HELZ: variants seen among roughly 807,000 people sequenced by gnomAD.
HELZ encodes ATP-dependent RNA helicase with zinc finger domain.
A neutral mutation model predicts 218.2 loss-of-function variants in HELZ; 23 were observed. The ratio of observed to expected loss-of-function variants is 0.11; its 90% CI spans 0.08 to 0.15. HELZ has a LOEUF of 0.15. Ranked by LOEUF, HELZ falls within the 10% of genes least tolerant of loss-of-function variation. The pLI is 1.00. For synonymous variants in HELZ, 814 were observed against 829.4 expected, an observed-to-expected ratio of 0.98 and a Z score of 0.32; for missense variants, 1,813 against 2,353.7, an observed-to-expected ratio of 0.77 and a Z score of 4.75.
rs2037666911 is a variant in HELZ, at chr17:67,123,076, C to G, written c.3524G>C (p.Gly1175Ala). ...TCTTTGAACAGGGCTTGGAGATTTT[C>G]CCAAATTTGGGTGAGGTCCAAGAGG... ...PPPLGPHPNL[G>A]KSPSPVQRID... is the part of the protein sequence containing the mutation. Residue 1175 changes from glycine (G) to alanine (A), a missense_variant, in exon 26 of 33, where the codon GGA (glycine) becomes GCA (alanine). Transcript: ENST00000358691. The G allele has an allele frequency of 6.2e-7, 1 of 1,613,410 alleles. No individual in the cohort carries two copies. Among genetic ancestry groups the G allele is most frequent in the Non-Finnish European group, 8.5e-7 (1 of 1,179,438 alleles).
chr17:67,148,552 G>T lies in HELZ; in HGVS notation c.2621+17C>A. On this transcript the variant is annotated intron_variant, in intron 20 of 32. Coordinates refer to ENST00000358691, the MANE Select transcript of HELZ (RefSeq NM_014877.4). ...GACCAACGAAAGTATGACACGGAGG[G>T]GGCAGTTCACACCTACTTGATGATA... 6.2e-7 allele frequency: 1 copy of T among 1,605,028 alleles called. No individual in the cohort carries two copies. The highest frequency in any genetic ancestry group is 1.1e-5 in the South Asian group (1 of 89,344).
intron 32 of HELZ, among the ~76,000 whole-genome samples, chr17:67,083,372 T>C (rs919674621): frequency 6.6e-6 from 1 of 152,030 alleles, no homozygotes; most frequent in African/African-American, 2.4e-5. Context: ...CCGGGCACAG[T>C]GGCTCACGCC....
rs1243079736 is a variant in HELZ, at chr17:67,108,985, C to T, written c.4489+131G>A. 1.3e-5 allele frequency: 10 copies of T among 765,104 alleles called. No homozygotes were observed. The African/African-American group carries it at 1.6e-4, about 12-fold the overall frequency. 47.4% of individuals were successfully genotyped at this position (765,104 alleles called of 1,614,324 possible). The stretch of plus-strand genomic sequence containing the variant: ...GCATTTAGAACTAGTTTCTGATTAT[C>T]ACACTAAATGGGGGGGTTTTGCTAG... On this transcript the variant is annotated intron_variant, in intron 29 of 32. Transcript: ENST00000358691. This position sits in a 1 kb window ranked among gnomAD's most constrained non-coding sequence, Gnocchi z 4.1.
At chr17:67,242,084 C>T (rs891995788) in intron 2 of HELZ, among the ~76,000 whole-genome samples, 11 of 152,150 alleles carry the variant, frequency 7.2e-5, no homozygotes, top group African/African-American at 2.4e-4. Context: ...AAAAGCAGAC[C>T]ACTGGCTCCT....
At chr17:67,086,507 G>A (rs531132131) in intron 32 of HELZ, among the ~76,000 whole-genome samples, 246 of 144,976 alleles carry the variant, frequency 1.7e-3, no homozygotes, top group African/African-American at 6.0e-3. Flanking sequence ...CTTGAACCCA[G>A]GAGGTGGAGG....
At chr17:67,095,730 C>A (rs1357408030) in intron 31 of HELZ, among the ~76,000 whole-genome samples, 1 of 152,204 alleles carries the variant, frequency 6.6e-6, no homozygotes. Context: ...GAATCAACTT[C>A]TTCCAAACTC....
intron 16 of HELZ, 112 bp from the exon 17 acceptor site, chr17:67,160,474 C>A: frequency 1.5e-6 from 1 of 682,620 alleles, no homozygotes; most frequent in Admixed American, 2.6e-5. Flanking sequence ...AATTCCCTTA[C>A]CCTACTCAGT....
At chr17:67,110,767 G>A (rs1400376971) in intron 28 of HELZ, among the ~76,000 whole-genome samples, 3 of 152,174 alleles carry the variant, frequency 2.0e-5, no homozygotes, top group African/African-American at 4.8e-5. Flanking sequence ...TATAATGATA[G>A]AGCAGAACAG....
intron 21 of HELZ, among the ~76,000 whole-genome samples, chr17:67,142,870 C>A (rs751981478): frequency 2.0e-5 from 3 of 152,154 alleles, no homozygotes; most frequent in Non-Finnish European, 4.4e-5. Flanking sequence ...CATCCTCCCA[C>A]CTCAGCCTCC....
At chr17:67,128,277 A>C (rs2037866166) in intron 24 of HELZ, among the ~76,000 whole-genome samples, 2 of 152,236 alleles carry the variant, frequency 1.3e-5, no homozygotes, top group South Asian at 4.1e-4. Context: ...TTATTATAAC[A>C]TTATTCCTTA....
At chr17:67,210,244 T>C in intron 5 of HELZ, among the ~76,000 whole-genome samples, 1 of 152,190 alleles carries the variant, frequency 6.6e-6, no homozygotes, top group East Asian at 1.9e-4. Context: ...AAACAAATTC[T>C]TCTCAGAAGA....
At chr17:67,098,085 C>T (rs1357517959) in intron 31 of HELZ, among the ~76,000 whole-genome samples, 1 of 152,178 alleles carries the variant, frequency 6.6e-6, no homozygotes. Context: ...GCAAATTTTA[C>T]ACAACTGAAG....
chr17:67,180,156 T>C (rs1183326730), intron 12 of HELZ, among the ~76,000 whole-genome samples: 1 of 152,070 alleles, frequency 6.6e-6, no homozygotes, highest in Non-Finnish European at 1.5e-5. Context: ...AATGTAAAGA[T>C]GGTCTGCTTA....
intron 3 of HELZ, among the ~76,000 whole-genome samples, chr17:67,235,295 A>C (rs893226320): frequency 2.0e-5 from 3 of 152,152 alleles, no homozygotes; most frequent in Non-Finnish European, 1.5e-5. Context: ...TCACGAGGTC[A>C]GAAGTTCAAG....
chr17:67,178,812 T>G lies in HELZ; in HGVS notation c.1277A>C (p.Lys426Thr), dbSNP rs2039527447. 2 of 1,613,784 alleles carry G rather than the reference T, an allele frequency of 1.2e-6. No individual in the cohort carries two copies. The highest frequency in any genetic ancestry group is 8.5e-7 in the Non-Finnish European group (1 of 1,179,842). ...AATTTGGTATCTGATAAGAAGGCTC[T>G]TCTCCAAATCAGTAGTTTCATTAGG... Reference protein sequence around the residue: ...FEPNETTDLEKSLLIRYQIPL... With the variant: ...FEPNETTDLETSLLIRYQIPL... Residue 426 changes from lysine to threonine, a missense_variant, in exon 13 of 33, where the codon AAG (lysine) becomes ACG (threonine). By Grantham distance (78) the Lys-to-Thr change is moderately conservative (BLOSUM62 -1). Transcript: ENST00000358691.
At chr17:67,223,469 G>A (rs1428205175) in intron 3 of HELZ, among the ~76,000 whole-genome samples, 1 of 152,052 alleles carries the variant, frequency 6.6e-6, no homozygotes, top group African/African-American at 2.4e-5. Flanking sequence ...ATCCAAACTT[G>A]GCCGGGCGTG....
In HELZ at chr17:67,089,734, G is replaced by C. The variant is rs2036522529; in HGVS notation, c.5242-2653C>G. 2.0e-5 allele frequency among the ~76,000 whole-genome samples: 3 copies of C among 147,032 alleles called. No individual in the cohort carries two copies. In the South Asian group the frequency reaches 6.5e-4, roughly 32 times the overall value. ...ACAGAGAGAGAGACAGAGACAGAGA[G>C]ATTGATTGATTTTTGTGTGTTGACC... is the stretch of plus-strand genomic sequence containing the variant. On this transcript the variant is annotated intron_variant, in intron 31 of 32. Transcript: ENST00000358691.
chr17:67,150,015 C>T (rs1309015885), intron 18 of HELZ, 30 bp from the exon 19 acceptor site: 3 of 1,313,404 alleles, frequency 2.3e-6, no homozygotes, highest in Middle Eastern at 1.9e-4. Context: ...CACAGGATAG[C>T]ACGCTAGAGC....
chr17:67,146,788 T>C (rs1438321937), intron 20 of HELZ, among the ~76,000 whole-genome samples: 1 of 152,196 alleles, frequency 6.6e-6, no homozygotes, highest in South Asian at 2.1e-4. Context: ...GGTTTTCACA[T>C]GGCTGACATA....
Sources: allele counts gnomAD v4.1 joint callset (sites outside exome capture counted in the v4.1 genomes callset), GRCh38; gene constraint gnomAD v4.1.1; non-coding constraint Gnocchi (gnomAD v3.1); transcripts MANE v1.5; gene names NCBI Gene and HGNC (gene_info 2026-07-23, HGNC 2026-07-21).